The following TFPI variants were observed in gnomAD, a reference collection of about 807,000 sequenced individuals.
TFPI encodes the protein anti-convertin.
Under a neutral mutation model 34.6 loss-of-function variants are expected in TFPI, and 15 were observed. The observed-to-expected ratio is 0.43, with a 90% CI of 0.29 to 0.67. The LOEUF (loss-of-function observed/expected upper bound fraction) is 0.67, where lower values mean the gene tolerates loss of function less well. Ranked by LOEUF, TFPI falls within the 30% of genes least tolerant of loss-of-function variation. TFPI has a pLI of 0.15. For synonymous variants in TFPI, 105 were observed against 120.1 expected, an observed-to-expected ratio of 0.87 and a Z score of 0.82; for missense variants, 301 against 364.0, an observed-to-expected ratio of 0.83 and a Z score of 1.41.
At chr2:187,549,163 G>C (rs1689005454) in intron 1 of TFPI, among the ~76,000 whole-genome samples, 1 of 151,936 alleles carries the variant, frequency 6.6e-6, no homozygotes, top group South Asian at 2.1e-4. Context: ...TCAAATTCCA[G>C]TGCTAATATA....
intron 6 of TFPI, among the ~76,000 whole-genome samples, chr2:187,483,116 C>T (rs2106006834): frequency 1.3e-5 from 2 of 152,004 alleles, no homozygotes; most frequent in Admixed American, 1.3e-4. Flanking sequence ...TCCACGTGGG[C>T]AGGGATTTTG....
chr2:187,504,140 T>C (rs1235627406), intron 1 of TFPI, among the ~76,000 whole-genome samples: 1 of 152,188 alleles, frequency 6.6e-6, no homozygotes, highest in Non-Finnish European at 1.5e-5. Flanking sequence ...TTCGCACAGC[T>C]ATTCTTTCTC....
intron 1 of TFPI, among the ~76,000 whole-genome samples, chr2:187,511,385 G>A (rs1262760608): frequency 6.6e-6 from 1 of 152,114 alleles, no homozygotes; most frequent in Non-Finnish European, 1.5e-5. Context: ...CTCTGATTTG[G>A]TTTTGACTCT....
intron 1 of TFPI, among the ~76,000 whole-genome samples, chr2:187,545,629 C>T (rs1688817277): frequency 6.6e-6 from 1 of 151,980 alleles, no homozygotes; most frequent in Non-Finnish European, 1.5e-5. Flanking sequence ...TTTTTGTCAC[C>T]TAAAGTAAAT....
intron 1 of TFPI, among the ~76,000 whole-genome samples, chr2:187,508,441 G>A (rs1199614178): frequency 6.6e-6 from 1 of 152,134 alleles, no homozygotes; most frequent in Non-Finnish European, 1.5e-5. Context: ...CTATCCATGA[G>A]CATGAAATGT....
intron 1 of TFPI, among the ~76,000 whole-genome samples, chr2:187,539,562 T>C (rs955765312): frequency 2.0e-5 from 3 of 152,208 alleles, no homozygotes; most frequent in African/African-American, 7.2e-5. Context: ...GTGTGTAACC[T>C]TAGTGCATTT....
Position 187,488,334 on chromosome 2 carries a change from C to A in TFPI, c.358+3G>T. ...TCAAATTTACAGACAAATAAATGTT[C>A]ACCTTGTTGCAATGTTGTCTTTATA... On this transcript the variant is annotated splice_donor_region_variant and intron_variant, in intron 4 of 7. Coordinates refer to ENST00000233156, the MANE Select transcript of TFPI (RefSeq NM_006287.6). 6.4e-7 allele frequency: 1 copy of A among 1,562,512 alleles called. No individual in the cohort carries two copies.
intron 2 of TFPI, 97 bp from the exon 3 acceptor site, chr2:187,497,175 A>G (rs1685542638): frequency 9.0e-7 from 1 of 1,113,720 alleles, no homozygotes. Flanking sequence ...TTTAAGGAAA[A>G]GTACAATAAA....
intron 5 of TFPI, 115 bp downstream of exon 5, chr2:187,484,696 T>C: frequency 1.1e-6 from 1 of 904,430 alleles, no homozygotes; most frequent in Non-Finnish European, 1.6e-6. Context: ...TGCACACAAA[T>C]ATATCTTCAT....
chr2:187,490,294 T>C (rs1685031997), intron 3 of TFPI, among the ~76,000 whole-genome samples: 2 of 151,680 alleles, frequency 1.3e-5, no homozygotes, highest in Admixed American at 6.6e-5. Context: ...TCCTTAGTGA[T>C]TGTTGTTTAC....
rs372211147 is a variant in TFPI, at chr2:187,524,893, A to C, written c.-2-21123T>G. Among the ~76,000 whole-genome samples the C allele has an allele frequency of 1.2e-4, 18 of 152,196 alleles. No individual in the cohort carries two copies. In the East Asian group the frequency reaches 2.7e-3, roughly 23 times the overall value. ...TAAGAATGATTGCTGAAATTCCAGC[A>C]AAAGAGAAATGTGAGTCTGTGGGAA... On this transcript the variant is annotated intron_variant, in intron 1 of 7. Coordinates refer to ENST00000233156, the MANE Select transcript of TFPI (RefSeq NM_006287.6).
chr2:187,492,860 T>C (rs1685214376), intron 3 of TFPI, among the ~76,000 whole-genome samples: 1 of 152,168 alleles, frequency 6.6e-6, no homozygotes, highest in Non-Finnish European at 1.5e-5. Flanking sequence ...AGATGAGACA[T>C]TGGACTGTGG....
At chr2:187,497,945 T>C (rs146390102) in intron 2 of TFPI, among the ~76,000 whole-genome samples, 4 of 152,010 alleles carry the variant, frequency 2.6e-5, no homozygotes, top group African/African-American at 9.6e-5. Flanking sequence ...CATATAATAC[T>C]TCTTGAATAT....
chr2:187,467,496 A>T (rs2105941800), intron 7 of TFPI, among the ~76,000 whole-genome samples: 1 of 152,256 alleles, frequency 6.6e-6, no homozygotes, highest in East Asian at 1.9e-4. Flanking sequence ...TTTTAAAGTG[A>T]ATGCTTAGTA....
intron 1 of TFPI, among the ~76,000 whole-genome samples, chr2:187,509,027 G>A (rs748496971): frequency 5.3e-5 from 8 of 152,034 alleles, no homozygotes; most frequent in East Asian, 1.9e-4. Flanking sequence ...TTTTATCGAG[G>A]GACTTTTCTG....
intron 2 of TFPI, among the ~76,000 whole-genome samples, chr2:187,502,069 T>C (rs538596819): frequency 6.6e-6 from 1 of 152,286 alleles, no homozygotes; most frequent in African/African-American, 2.4e-5. Flanking sequence ...AAGGTTATTA[T>C]AAAAATTAAT....
chr2:187,519,958 C>T (rs1045841423), intron 1 of TFPI: 2 of 152,130 alleles, frequency 1.3e-5, no homozygotes, highest in Admixed American at 1.3e-4. Flanking sequence ...GAGGGGAAAA[C>T]CAGCTACTCA....
chr2:187,523,955 G>C lies in TFPI; in HGVS notation c.-2-20185C>G, dbSNP rs184890087. Among the ~76,000 whole-genome samples the C allele has an allele frequency of 1.1e-4, 16 of 152,148 alleles. No homozygotes were observed. In the East Asian group the frequency reaches 3.1e-3, roughly 29 times the overall value. On this transcript the variant is annotated intron_variant, in intron 1 of 7. Transcript: ENST00000233156. ...AGTAGGAAACAATTATTTGGCTTCT[G>C]TCTCTATGTATTGCCAATACTGAAA...
intron 1 of TFPI, 111 bp from the exon 2 acceptor site, chr2:187,503,881 AT>A: frequency 1.7e-6 from 2 of 1,145,640 alleles, no homozygotes; most frequent in Non-Finnish European, 2.5e-6. Context: ...ATGCCATTTT[AT>A]GTGTATACAC....
Sources: allele counts gnomAD v4.1 joint callset (sites outside exome capture counted in the v4.1 genomes callset), GRCh38; gene constraint gnomAD v4.1.1; transcripts MANE v1.5; gene names NCBI Gene and HGNC (gene_info 2026-07-23, HGNC 2026-07-21).